Variants in FBXL13 observed in about 807,000 individuals in gnomAD.
FBXL13 encodes F-box and leucine rich repeat protein 13.
A neutral mutation model predicts 83.6 loss-of-function variants in FBXL13; 67 were observed. That is an observed-to-expected ratio of 0.80 (90% CI 0.66 to 0.98). FBXL13 has a LOEUF of 0.98. Ranked by LOEUF, FBXL13 falls within the 50% of genes least tolerant of loss-of-function variation. The pLI, the probability that FBXL13 is intolerant of heterozygous loss-of-function variation, is 0.00. For synonymous variants in FBXL13, 272 were observed against 299.5 expected, an observed-to-expected ratio of 0.91 and a Z score of 0.95; for missense variants, 822 against 866.5, an observed-to-expected ratio of 0.95 and a Z score of 0.64.
chr7:103,012,231 C>A (rs918886583), intron 6 of FBXL13, among the ~76,000 whole-genome samples: 1 of 152,016 alleles, frequency 6.6e-6, no homozygotes, highest in African/African-American at 2.4e-5. Flanking sequence ...CAAAATTAGC[C>A]GGGCGTGGTG....
At chr7:103,017,757 G>T (rs1585379981) in intron 6 of FBXL13, among the ~76,000 whole-genome samples, 1 of 150,952 alleles carries the variant, frequency 6.6e-6, no homozygotes, top group Admixed American at 6.6e-5. Context: ...AATGAAGTGA[G>T]AAGACAAGTT....
chr7:102,926,232 G>A lies in FBXL13; in HGVS notation c.878+42C>T, dbSNP rs1174341735. The A allele has an allele frequency of 1.9e-6, 3 of 1,550,122 alleles. No individual in the cohort carries two copies. The South Asian group carries it at 3.5e-5, about 18-fold the overall frequency. Reference sequence around the variant, plus strand: ...CTAGAGCAAGCCAGAGACTTTGGGAGCATAATTTTTTTCAGTGTCATACAA... The same window carrying A: ...CTAGAGCAAGCCAGAGACTTTGGGAACATAATTTTTTTCAGTGTCATACAA... On this transcript the variant is annotated intron_variant, in intron 10 of 19. Coordinates refer to ENST00000313221, the Ensembl canonical transcript of FBXL13.
chr7:102,929,663 CAAAAA>C (rs35025022), intron 9 of FBXL13, among the ~76,000 whole-genome samples: 2 of 91,518 alleles, frequency 2.2e-5, no homozygotes, highest in African/African-American at 9.5e-5. Flanking sequence ...GACTCCATCT[CAAAAA>C]AAAAAAAAAA....
At position 102,850,731 on chromosome 7, in the gene FBXL13, G is replaced by C. The variant is rs558727206; in HGVS notation, c.1719+4046C>G. ...GAGTTACAATATTTCCAATATGGAA[G>C]TTTCTAGTCCTCTCTGGGATATTTG... On this transcript the variant is annotated intron_variant, in intron 17 of 19. Coordinates refer to ENST00000313221, the Ensembl canonical transcript of FBXL13. Among the ~76,000 whole-genome samples, 9 of 152,250 alleles carry C rather than the reference G, an allele frequency of 5.9e-5. 1 individual carries two copies. The East Asian group carries it at 1.5e-3, about 26-fold the overall frequency.
intron 19 of FBXL13, among the ~76,000 whole-genome samples, chr7:102,818,748 T>C (rs955061917): frequency 1.1e-4 from 17 of 151,868 alleles, no homozygotes; most frequent in African/African-American, 4.1e-4. Context: ...GGGCTCCAGA[T>C]AGAAATATAT....
chr7:102,895,004 C>T (rs1476582479), intron 11 of FBXL13, among the ~76,000 whole-genome samples: 1 of 152,074 alleles, frequency 6.6e-6, no homozygotes, highest in Non-Finnish European at 1.5e-5. Flanking sequence ...CTACTATGAG[C>T]CAGGTATTGT....
chr7:102,898,262 T>C (rs1812515095), intron 11 of FBXL13, among the ~76,000 whole-genome samples: 4 of 152,064 alleles, frequency 2.6e-5, no homozygotes, highest in Admixed American at 6.6e-5. Context: ...TACACAAACA[T>C]ATATATATCA....
chr7:102,908,892 C>T (rs1814190528), intron 11 of FBXL13, among the ~76,000 whole-genome samples: 1 of 152,236 alleles, frequency 6.6e-6, no homozygotes, highest in Non-Finnish European at 1.5e-5. Context: ...GCTGTAACCA[C>T]TTCCTGGCTA....
chr7:103,003,484 A>T (rs533346010), intron 6 of FBXL13, among the ~76,000 whole-genome samples: 1 of 151,250 alleles, frequency 6.6e-6, no homozygotes, highest in East Asian at 1.9e-4. Context: ...ACAGGGTTTC[A>T]CCATGTTGGT....
At chr7:102,889,948 A>G (rs1811319215) in intron 11 of FBXL13, among the ~76,000 whole-genome samples, 1 of 151,162 alleles carries the variant, frequency 6.6e-6, no homozygotes, top group African/African-American at 2.4e-5. Flanking sequence ...TGATCCTTAC[A>G]ACACAGCCCA....
At chr7:102,907,482 C>G (rs553375776) in intron 11 of FBXL13, among the ~76,000 whole-genome samples, 11 of 151,724 alleles carry the variant, frequency 7.3e-5, no homozygotes, top group South Asian at 2.1e-4. Flanking sequence ...CCCGCCCCCC[C>G]ACAACAGGCC....
chr7:102,822,356 C>G, intron 18 of FBXL13, 153 bp from the exon 20 acceptor site: 1 of 784,148 alleles, frequency 1.3e-6, no homozygotes. Context: ...GCTGGGAAGT[C>G]CAAGACTGAG....
At chr7:103,036,520 T>G (rs1378421206) in intron 2 of FBXL13, among the ~76,000 whole-genome samples, 3 of 152,092 alleles carry the variant, frequency 2.0e-5, no homozygotes, top group South Asian at 2.1e-4. Context: ...ATTACTGATT[T>G]ATTTATTTAT....
chr7:102,928,492 CA>C (rs751653478), intron 9 of FBXL13, among the ~76,000 whole-genome samples: 27 of 152,140 alleles, frequency 1.8e-4, no homozygotes, highest in Admixed American at 5.9e-4. Context: ...AAGGGAAAAA[CA>C]ATAGTAAAAT....
chr7:103,031,037 G>T (rs982271508), intron 2 of FBXL13: 1 of 152,124 alleles, frequency 6.6e-6, no homozygotes, highest in Non-Finnish European at 1.5e-5. Flanking sequence ...ATTATTATTG[G>T]TATATATTCT....
rs150272214 is a variant in FBXL13, at chr7:103,035,742, C to T, written c.1-6324G>A. On this transcript the variant is annotated intron_variant, in intron 2 of 19. Transcript: ENST00000313221. ...ACTTTATATTATAATTTTTAGCTTC[C>T]AGCATATTGTAATATTATTTTTCTT... Among the ~76,000 whole-genome samples, 732 of 152,074 alleles carry T rather than the reference C, an allele frequency of 4.8e-3. 6 individuals carry two copies. Among genetic ancestry groups the T allele is most frequent in the African/African-American group, 0.017 (692 of 41,462 alleles).
chr7:102,973,725 C>T, intron 6 of FBXL13: 1 of 766,334 alleles, frequency 1.3e-6, no homozygotes, highest in East Asian at 2.4e-5. Flanking sequence ...CCTCAGCCTC[C>T]AGTTGCTTCT....
exon 2 of FBXL13, chr7:103,055,678 C>A (rs1214373559): frequency 7.8e-7 from 1 of 1,284,636 alleles, no homozygotes; most frequent in Non-Finnish European, 1.0e-6. Flanking sequence ...TTGATTATAA[C>A]CATGATCATT....
intron 6 of FBXL13, chr7:102,976,053 T>C (rs540649958): frequency 2.6e-6 from 2 of 766,390 alleles, no homozygotes; most frequent in South Asian, 2.7e-5. Context: ...AGGACCCCAC[T>C]GGAAGTTGGA....
Sources: allele counts gnomAD v4.1 joint callset (sites outside exome capture counted in the v4.1 genomes callset), GRCh38; gene constraint gnomAD v4.1.1; transcripts MANE v1.5; gene names NCBI Gene and HGNC (gene_info 2026-07-23, HGNC 2026-07-21).